The following GPR174 variants were observed in gnomAD, a reference collection of about 807,000 sequenced individuals.
The protein encoded by GPR174 is G protein-coupled receptor 174.
In GPR174, 8 loss-of-function variants were observed where a neutral mutation model predicts 16.5. That is an observed-to-expected ratio of 0.48 (90% CI 0.28 to 0.87). The LOEUF is 0.87. GPR174 is among the 40% of genes least tolerant of loss of function. The pLI, the probability that GPR174 is intolerant of heterozygous loss-of-function variation, is 0.09. For missense variants in GPR174, 214 were observed against 247.5 expected, an observed-to-expected ratio of 0.86 and a Z score of 0.91; for synonymous variants, 111 against 94.8, an observed-to-expected ratio of 1.17 and a Z score of -0.99.
intron 2 of GPR174, among the ~76,000 whole-genome samples, chrX:79,168,025 G>A (rs1346814885): frequency 8.9e-6 from 1 of 112,003 alleles, no homozygotes; most frequent in African/African-American, 3.3e-5. Flanking sequence ...AACTAACCAG[G>A]CAAATACTTT....
At chrX:79,146,678 C>T (rs1191504477) in intron 1 of GPR174, among the ~76,000 whole-genome samples, 1 of 111,634 alleles carries the variant, frequency 9.0e-6, no homozygotes, top group Non-Finnish European at 1.9e-5. Context: ...TTTGTTGGGG[C>T]CAGATTAATA....
chrX:79,167,041 G>T (rs1435732577), intron 2 of GPR174, among the ~76,000 whole-genome samples: 1 of 111,804 alleles, frequency 8.9e-6, no homozygotes, highest in African/African-American at 3.3e-5. Context: ...TAGTGGCCTT[G>T]GAGGACAGGC....
At chrX:79,169,039 TA>T (rs747494131) in intron 2 of GPR174, among the ~76,000 whole-genome samples, 1 of 111,845 alleles carries the variant, frequency 8.9e-6, no homozygotes, top group African/African-American at 3.3e-5. Flanking sequence ...TATTCATAAA[TA>T]AAAAACAATA....
chrX:79,153,067 G>A (rs1569279039), intron 1 of GPR174, among the ~76,000 whole-genome samples: 2 of 112,092 alleles, frequency 1.8e-5, no homozygotes, highest in East Asian at 5.6e-4. Flanking sequence ...GAGAAAGAGA[G>A]GCATAACTTT....
intron 2 of GPR174, among the ~76,000 whole-genome samples, chrX:79,168,667 C>T (rs1168924052): frequency 9.1e-6 from 1 of 110,280 alleles, no homozygotes; most frequent in African/African-American, 3.3e-5. Flanking sequence ...TGTATCTGCA[C>T]TCCAACCCAG....
rs1031884472 is a variant in GPR174 at position 79,173,446 on chromosome X, C to G, written c.*1437C>G. ...AACATGTTTTAGCAAAAAGCTCTAA[C>G]TTTAAGAAAGTTCTACTTAAAATCT... On this transcript the variant is annotated 3_prime_UTR_variant, in exon 3 of 3. Coordinates refer to ENST00000645147, the MANE Select transcript of GPR174 (RefSeq NM_032553.3). The G allele has an allele frequency of 2.7e-5, 3 of 111,974 alleles. No homozygotes were observed. Among genetic ancestry groups the G allele is most frequent in the African/African-American group, 9.7e-5 (3 of 30,835 alleles). 9.2% of individuals were successfully genotyped at this position (111,974 alleles called of 1,213,427 possible).
intron 1 of GPR174, among the ~76,000 whole-genome samples, chrX:79,153,476 G>A (rs1467034262): frequency 1.8e-5 from 2 of 111,715 alleles, no homozygotes; most frequent in African/African-American, 6.5e-5. Flanking sequence ...AATGCCAGCA[G>A]AAATGAATGA....
chrX:79,170,232 G>A (rs959202970), intron 2 of GPR174, among the ~76,000 whole-genome samples: 2 of 111,528 alleles, frequency 1.8e-5, no homozygotes, highest in Admixed American at 9.5e-5. Context: ...AGCGTCATTC[G>A]TTCATGAATT....
chrX:79,160,180 C>CA (rs1921202109), intron 2 of GPR174, among the ~76,000 whole-genome samples: 1 of 110,498 alleles, frequency 9.0e-6, no homozygotes, highest in Non-Finnish European at 1.9e-5. Flanking sequence ...TGCTTTTGAA[C>CA]AAAAAAAGGC....
chrX:79,155,316 C>T (rs1159775170), intron 1 of GPR174, among the ~76,000 whole-genome samples: 2 of 111,374 alleles, frequency 1.8e-5, no homozygotes, highest in African/African-American at 6.5e-5. Flanking sequence ...GCTTTGGATT[C>T]TTGGGCCTCT....
intron 2 of GPR174, among the ~76,000 whole-genome samples, chrX:79,163,621 A>C (rs1921286556): frequency 8.9e-6 from 1 of 112,436 alleles, no homozygotes; most frequent in African/African-American, 3.2e-5. Context: ...GTCCTCCTTC[A>C]TTAGATCCCA....
intron 2 of GPR174, among the ~76,000 whole-genome samples, chrX:79,157,284 A>G (rs1463392037): frequency 8.9e-6 from 1 of 112,022 alleles, no homozygotes; most frequent in East Asian, 2.8e-4. Context: ...TTTCAAAAAT[A>G]CTGCATTGAA....
At position 79,147,338 on chromosome X, in the gene GPR174, T is replaced by C. The variant is rs1172177327; in HGVS notation, c.-654+2121T>C. On this transcript the variant is annotated intron_variant, in intron 1 of 2. Coordinates refer to ENST00000645147, the MANE Select transcript of GPR174 (RefSeq NM_032553.3). ...TGGATTAAGAGACATGCATTATTCA[T>C]TGGGAAACATTAAAAGATTTCATTT... is the stretch of plus-strand genomic sequence containing the variant. Among the ~76,000 whole-genome samples the C allele has an allele frequency of 9.1e-5, 10 of 109,812 alleles. No individual in the cohort carries two copies. The Admixed American group carries it at 9.8e-4, about 11-fold the overall frequency.
chrX:79,161,999 C>T (rs1336593752), intron 2 of GPR174, among the ~76,000 whole-genome samples: 1 of 111,823 alleles, frequency 8.9e-6, no homozygotes, highest in African/African-American at 3.3e-5. Context: ...TGTATTTCCA[C>T]AAGAGTTGAG....
chrX:79,161,130 A>G (rs1045287693), intron 2 of GPR174, among the ~76,000 whole-genome samples: 1 of 112,078 alleles, frequency 8.9e-6, no homozygotes, highest in Admixed American at 9.5e-5. Context: ...ACTGTTACTG[A>G]TATAATTGCT....
chrX:79,161,129 G>T (rs1248359918), intron 2 of GPR174, among the ~76,000 whole-genome samples: 3 of 111,858 alleles, frequency 2.7e-5, no homozygotes, highest in Non-Finnish European at 5.6e-5. Flanking sequence ...AACTGTTACT[G>T]ATATAATTGC....
At position 79,171,822 on chromosome X, in the gene GPR174, T is replaced by C. The variant is rs1382153103; in HGVS notation, c.815T>C (p.Ile272Thr). ...KSCLARRVIL[I>T]FHSVALCLAS... ...TGCCTAGCCAGAAGGGTGATTCTAA[T>C]ATTTCATTCTGTGGCATTGTGTCTT... The change falls in exon 3 of 3, where the codon ATA becomes ACA. Residue 272 changes from isoleucine (I) to threonine (T), a missense_variant. Coordinates refer to ENST00000645147, the MANE Select transcript of GPR174 (RefSeq NM_032553.3). 4.1e-6 allele frequency: 5 copies of C among 1,210,594 alleles called. No homozygotes were observed. Among genetic ancestry groups the C allele is most frequent in the Middle Eastern group, 4.6e-4 (2 of 4,344 alleles).
intron 2 of GPR174, among the ~76,000 whole-genome samples, chrX:79,168,611 G>A (rs1297850628): frequency 9.1e-6 from 1 of 109,764 alleles, no homozygotes; most frequent in Non-Finnish European, 1.9e-5. Context: ...TGAGGTGAGA[G>A]GATCGCTTGA....
rs1921212077 is a variant in GPR174, at chrX:79,160,553, G to C, written c.-557+3635G>C. Reference sequence around the variant, plus strand: ...GTGGTGTGTAGGATGTGTTTCTTGGGTAACTTTTCTCAGATTTAGAGGTTC... The same window carrying C: ...GTGGTGTGTAGGATGTGTTTCTTGGCTAACTTTTCTCAGATTTAGAGGTTC... On this transcript the variant is annotated intron_variant, in intron 2 of 2. Coordinates refer to ENST00000645147, the MANE Select transcript of GPR174 (RefSeq NM_032553.3). 2.7e-5 allele frequency among the ~76,000 whole-genome samples: 3 copies of C among 111,711 alleles called. No homozygotes were observed. The South Asian group carries it at 1.1e-3, about 41-fold the overall frequency.
Sources: gnomAD v4.1 joint callset for allele counts (sites outside exome capture counted in the v4.1 genomes callset) on GRCh38, gnomAD v4.1.1 for gene constraint, MANE v1.5 for transcripts, NCBI Gene and HGNC (gene_info 2026-07-23, HGNC 2026-07-21) for gene names.